TMEM135: variants seen among roughly 807,000 people sequenced by gnomAD.
TMEM135 encodes peroxisomal membrane protein 52.
Under a neutral mutation model 60.3 loss-of-function variants are expected in TMEM135, and 30 were observed. The observed-to-expected ratio is 0.50, with a 90% CI of 0.37 to 0.68. The LOEUF is 0.68. Among genes scored for constraint, TMEM135 ranks in the 30% least tolerant of loss-of-function variants. TMEM135 has a pLI of 0.00. For synonymous variants in TMEM135, 190 were observed against 186.7 expected, an observed-to-expected ratio of 1.02 and a Z score of -0.14; for missense variants, 468 against 548.8, an observed-to-expected ratio of 0.85 and a Z score of 1.47.
chr11:87,068,151 A>C (rs2135137415), intron 2 of TMEM135, among the ~76,000 whole-genome samples: 1 of 152,336 alleles, frequency 6.6e-6, no homozygotes, highest in South Asian at 2.1e-4. Context: ...ATTCAAAGCA[A>C]CTGTCTATGA....
At chr11:87,105,057 C>T (rs1857558194) in intron 4 of TMEM135, among the ~76,000 whole-genome samples, 1 of 152,154 alleles carries the variant, frequency 6.6e-6, no homozygotes, top group African/African-American at 2.4e-5. Flanking sequence ...GTGGGCTTGT[C>T]ATATATGGCC....
rs1239100831 is a variant in TMEM135 at position 87,328,080 on chromosome 11, T to C, written c.*6747T>C. On this transcript the variant is annotated 3_prime_UTR_variant, in exon 15 of 15. Coordinates refer to ENST00000305494, the MANE Select transcript of TMEM135 (RefSeq NM_022918.4). ...ATATTCCTTAATCCAGTCAAGTTGATGCCTAAAATTAACCATCACAGGCTT... is the reference window on the plus strand; with the variant it reads ...ATATTCCTTAATCCAGTCAAGTTGACGCCTAAAATTAACCATCACAGGCTT... The C allele has an allele frequency of 2.2e-6, 1 of 454,104 alleles. No homozygotes were observed. Among genetic ancestry groups the C allele is most frequent in the Non-Finnish European group, 4.4e-6 (1 of 226,790 alleles). The allele number at this position is 454,104 out of a possible 1,614,324, so 28.1% of individuals were successfully genotyped here. A position where few individuals can be genotyped will look rare whatever the true frequency, so the allele number is the denominator to read the frequency against.
intron 4 of TMEM135, among the ~76,000 whole-genome samples, chr11:87,152,396 GA>G (rs1359377543): frequency 1.3e-5 from 2 of 152,040 alleles, no homozygotes; most frequent in Non-Finnish European, 2.9e-5. Context: ...TTACTCTTGA[GA>G]AATTGTTTAC....
At chr11:87,163,202 C>A (rs142059743) in intron 5 of TMEM135, among the ~76,000 whole-genome samples, 38,448 of 118,180 alleles carry the variant, frequency 0.33, 6,903 homozygotes, top group East Asian at 0.63. Context: ...CCGACCCCAC[C>A]ACAGTCCCCG....
intron 6 of TMEM135, among the ~76,000 whole-genome samples, chr11:87,258,179 ATT>A (rs1366760652): frequency 1.7e-5 from 2 of 118,694 alleles, no homozygotes; most frequent in Non-Finnish European, 3.7e-5. Context: ...TTCTGTGTTT[ATT>A]TTGGGGAAAA....
chr11:87,168,020 T>C (rs948723672), intron 5 of TMEM135, among the ~76,000 whole-genome samples: 3 of 152,226 alleles, frequency 2.0e-5, no homozygotes, highest in Non-Finnish European at 4.4e-5. Context: ...ATTCAACTTC[T>C]TCCTGGTTTA....
chr11:87,304,638 AG>A (rs1167541339), intron 8 of TMEM135, among the ~76,000 whole-genome samples: 1 of 152,212 alleles, frequency 6.6e-6, no homozygotes, highest in African/African-American at 2.4e-5. Context: ...TGACTAGGAA[AG>A]GCTGTATGCT....
intron 4 of TMEM135, among the ~76,000 whole-genome samples, chr11:87,112,035 C>G (rs1228858533): frequency 6.6e-6 from 1 of 151,988 alleles, no homozygotes; most frequent in Non-Finnish European, 1.5e-5. Context: ...ATAGTGATAC[C>G]AGGAAACAAA....
intron 4 of TMEM135, among the ~76,000 whole-genome samples, chr11:87,140,565 C>A (rs1331590285): frequency 6.6e-6 from 1 of 152,120 alleles, no homozygotes; most frequent in Non-Finnish European, 1.5e-5. Context: ...GGGGGACAGT[C>A]AATGTCACAT....
chr11:87,082,194 A>AC (rs1565433053), intron 3 of TMEM135, among the ~76,000 whole-genome samples: 1 of 151,996 alleles, frequency 6.6e-6, no homozygotes, highest in African/African-American at 2.4e-5. Context: ...AAACTTTAAA[A>AC]CTCTTTAAAT....
At chr11:87,149,127 T>G (rs969297983) in intron 4 of TMEM135, among the ~76,000 whole-genome samples, 35 of 151,884 alleles carry the variant, frequency 2.3e-4, no homozygotes, top group African/African-American at 7.7e-4. Context: ...TAGAAAAAAT[T>G]TAGCTCTTAT....
intron 1 of TMEM135, among the ~76,000 whole-genome samples, chr11:87,047,296 G>C (rs558189519): frequency 3.9e-5 from 6 of 152,114 alleles, no homozygotes; most frequent in African/African-American, 1.4e-4. Context: ...TAAAAAAAAA[G>C]TGTATTTTGG....
intron 4 of TMEM135, among the ~76,000 whole-genome samples, chr11:87,130,013 A>G (rs1356496321): frequency 1.3e-5 from 2 of 152,120 alleles, no homozygotes; most frequent in Non-Finnish European, 2.9e-5. Flanking sequence ...CAAGATAATG[A>G]TTTTATTTTA....
intron 5 of TMEM135, among the ~76,000 whole-genome samples, chr11:87,173,876 T>C (rs1939303545): frequency 6.6e-6 from 1 of 152,178 alleles, no homozygotes; most frequent in Non-Finnish European, 1.5e-5. Context: ...TTGTTGCCAG[T>C]GCGCTCTGCT....
intron 6 of TMEM135, among the ~76,000 whole-genome samples, chr11:87,269,274 T>C (rs986467379): frequency 1.4e-5 from 2 of 140,456 alleles, no homozygotes; most frequent in Non-Finnish European, 3.0e-5. Context: ...GGAAGTTTGC[T>C]TTAGGGTTTT....
intron 1 of TMEM135, among the ~76,000 whole-genome samples, chr11:87,056,618 T>C (rs535314779): frequency 1.3e-5 from 2 of 152,354 alleles, no homozygotes; most frequent in East Asian, 1.9e-4. Context: ...CCTTTTAACA[T>C]TGGCTTTATC....
intron 4 of TMEM135, among the ~76,000 whole-genome samples, chr11:87,113,041 A>G (rs1214892912): frequency 6.6e-6 from 1 of 152,090 alleles, no homozygotes; most frequent in Admixed American, 6.5e-5. Context: ...GAAGAAATTT[A>G]AGAGATTATA....
intron 1 of TMEM135, among the ~76,000 whole-genome samples, chr11:87,067,423 T>C (rs1856687725): frequency 6.6e-6 from 1 of 151,996 alleles, no homozygotes; most frequent in Admixed American, 6.6e-5. Context: ...TTTAAAATTG[T>C]TTTAAGGCAT....
chr11:87,058,661 C>T (rs530973547), intron 1 of TMEM135, among the ~76,000 whole-genome samples: 5 of 150,864 alleles, frequency 3.3e-5, no homozygotes, highest in South Asian at 4.2e-4. Context: ...GCTCTCTTGC[C>T]GAGGCTGGAG....
Sources: gnomAD v4.1 joint callset for allele counts (sites outside exome capture counted in the v4.1 genomes callset) on GRCh38, gnomAD v4.1.1 for gene constraint, MANE v1.5 for transcripts, NCBI Gene and HGNC (gene_info 2026-07-23, HGNC 2026-07-21) for gene names.